Variants in ATP2B2 observed in about 807,000 individuals in gnomAD.
The protein encoded by ATP2B2 is plasma membrane calcium-transporting ATPase 2.
Under a neutral mutation model 120.0 loss-of-function variants are expected in ATP2B2, and 15 were observed. The observed-to-expected ratio is 0.12, with a 90% CI of 0.08 to 0.19. ATP2B2 has a LOEUF of 0.19. Among genes scored for constraint, ATP2B2 ranks in the 10% least tolerant of loss-of-function variants. ATP2B2 has a pLI of 1.00. For synonymous variants in ATP2B2, 694 were observed against 700.3 expected (o/e 0.99, Z 0.14); for missense variants, 1,045 against 1,719.8 (o/e 0.61, Z 6.94).
chr3:10,519,094 T>C (rs1368958074), intron 3 of ATP2B2, among the ~76,000 whole-genome samples: 1 of 152,232 alleles, frequency 6.6e-6, no homozygotes, highest in African/African-American at 2.4e-5. Flanking sequence ...GGTATCATCA[T>C]GCCAATTTTG....
intron 14 of ATP2B2, among the ~76,000 whole-genome samples, chr3:10,356,952 G>GGT (rs1039996068): frequency 6.7e-6 from 1 of 148,552 alleles, no homozygotes; most frequent in African/African-American, 2.6e-5. Flanking sequence ...CCCCAAGGAG[G>GGT]GTGTGTGTGT....
At chr3:10,610,658 C>T (rs2069209129) in intron 2 of ATP2B2, among the ~76,000 whole-genome samples, 1 of 152,212 alleles carries the variant, frequency 6.6e-6, no homozygotes, top group Non-Finnish European at 1.5e-5. Context: ...AAGTGAGCCT[C>T]CATCCTCCCA....
intron 2 of ATP2B2, among the ~76,000 whole-genome samples, chr3:10,588,485 T>C (rs2068567608): frequency 1.3e-5 from 2 of 152,242 alleles, no homozygotes; most frequent in South Asian, 4.1e-4. Flanking sequence ...ACAGCAGCAG[T>C]TCCACGGCCG....
intron 3 of ATP2B2, among the ~76,000 whole-genome samples, chr3:10,513,515 G>A (rs1293462647): frequency 6.6e-6 from 1 of 152,142 alleles, no homozygotes; most frequent in Non-Finnish European, 1.5e-5. Context: ...GAAGCCCTCG[G>A]TGAGGGCCCT....
At chr3:10,572,398 G>T (rs1225523340) in intron 2 of ATP2B2, among the ~76,000 whole-genome samples, 1 of 152,146 alleles carries the variant, frequency 6.6e-6, no homozygotes, top group Non-Finnish European at 1.5e-5. Context: ...GTTTCAGTTG[G>T]GGAAGATGAA....
intron 1 of ATP2B2, among the ~76,000 whole-genome samples, chr3:10,502,899 C>T (rs1352537695): frequency 6.6e-6 from 1 of 152,224 alleles, no homozygotes; most frequent in African/African-American, 2.4e-5. Flanking sequence ...TCTACCTCCC[C>T]TCTGCCACAT....
At chr3:10,422,805 T>C (rs1258478031) in intron 2 of ATP2B2, among the ~76,000 whole-genome samples, 5 of 152,366 alleles carry the variant, frequency 3.3e-5, no homozygotes, top group South Asian at 4.1e-4. Flanking sequence ...AGAGGCTGTG[T>C]TCCTGTAATT....
chr3:10,371,872 G>C lies in ATP2B2; in HGVS notation c.1596C>G (p.Thr532=). ...CATTGATCAGCAGCTCCATGGTCTT[G>C]GTGTTGATGGAGCTGGGGTCGGGGA... ...KEIPDPSSIN[T]KTMELLINAI... is the part of the protein sequence containing the mutation. The change falls in exon 12 of 23, where the codon ACC becomes ACG. Residue 532 remains threonine, a synonymous_variant. Transcript: ENST00000360273. 1 of 1,614,136 alleles carries C rather than the reference G, an allele frequency of 6.2e-7. No homozygotes were observed. Among genetic ancestry groups the C allele is most frequent in the Non-Finnish European group, 8.5e-7 (1 of 1,180,018 alleles).
intron 1 of ATP2B2, among the ~76,000 whole-genome samples, chr3:10,494,717 G>C (rs1156401694): frequency 6.6e-6 from 1 of 152,208 alleles, no homozygotes; most frequent in Non-Finnish European, 1.5e-5. Context: ...CTGAGAATCT[G>C]TGCAGTGTAA....
At chr3:10,331,960 G>C in intron 22 of ATP2B2, 1 of 1,546,602 alleles carries the variant, frequency 6.5e-7, no homozygotes, top group South Asian at 1.2e-5. Context: ...TTCATTTCAG[G>C]CTCAAGGTTA....
At chr3:10,516,930 G>A (rs1038609435) in intron 3 of ATP2B2, among the ~76,000 whole-genome samples, 2 of 152,052 alleles carry the variant, frequency 1.3e-5, no homozygotes, top group African/African-American at 4.8e-5. Context: ...CTACTTTGAA[G>A]GGCAATGCTT....
In ATP2B2 at chr3:10,340,479, G is replaced by T; in HGVS notation, c.3129+14C>A. Reference sequence around the variant, plus strand: ...TGCCCACCCCGGGCCTGGTTAGGGTGGGGGCCTCACTACCTGGATGGCAAA... The same window carrying T: ...TGCCCACCCCGGGCCTGGTTAGGGTTGGGGCCTCACTACCTGGATGGCAAA... On this transcript the variant is annotated intron_variant, in intron 20 of 22. Transcript: ENST00000360273. The surrounding 1 kb of genome is among the most constrained non-coding windows in gnomAD (Gnocchi z 5.0). The T allele has an allele frequency of 6.2e-7, 1 of 1,614,084 alleles. No homozygotes were observed. The highest frequency in any genetic ancestry group is 8.5e-7 in the Non-Finnish European group (1 of 1,179,942).
At chr3:10,366,635 C>T (rs551271914) in intron 12 of ATP2B2, among the ~76,000 whole-genome samples, 20 of 152,256 alleles carry the variant, frequency 1.3e-4, no homozygotes, top group South Asian at 4.2e-4. Flanking sequence ...AATGTAAGTC[C>T]GCTCGGGTGG....
chr3:10,582,885 CCAG>C (rs2068424141), intron 2 of ATP2B2, among the ~76,000 whole-genome samples: 1 of 152,232 alleles, frequency 6.6e-6, no homozygotes. Flanking sequence ...TCTGCATCTA[CCAG>C]CAGCATAGAT....
chr3:10,331,428 T>C (rs1448094635), intron 22 of ATP2B2, among the ~76,000 whole-genome samples: 1 of 152,152 alleles, frequency 6.6e-6, no homozygotes, highest in Non-Finnish European at 1.5e-5. Context: ...ACCTAGTGTA[T>C]GTGTGGGGCA....
intron 1 of ATP2B2, among the ~76,000 whole-genome samples, chr3:10,683,031 T>C: frequency 6.6e-6 from 1 of 152,144 alleles, no homozygotes; most frequent in East Asian, 1.9e-4. Flanking sequence ...ATGTGGATAC[T>C]AATAATAATC....
At chr3:10,475,641 T>C (rs1247763255) in intron 1 of ATP2B2, among the ~76,000 whole-genome samples, 1 of 152,236 alleles carries the variant, frequency 6.6e-6, no homozygotes, top group Non-Finnish European at 1.5e-5. Context: ...TAGGCTTTTA[T>C]AGGCCTAACC....
chr3:10,433,374 A>G (rs1182986654), intron 2 of ATP2B2, among the ~76,000 whole-genome samples: 1 of 152,130 alleles, frequency 6.6e-6, no homozygotes, highest in Non-Finnish European at 1.5e-5. Context: ...TGACAGCTCT[A>G]GGCTCTAACA....
chr3:10,348,445 C>T (rs1005527216), intron 16 of ATP2B2, among the ~76,000 whole-genome samples: 8 of 152,190 alleles, frequency 5.3e-5, no homozygotes, highest in Non-Finnish European at 8.8e-5. Flanking sequence ...CCTGGTGACA[C>T]GGTGCAGGCC....
Sources: allele counts gnomAD v4.1 joint callset (sites outside exome capture counted in the v4.1 genomes callset), GRCh38; gene constraint gnomAD v4.1.1; non-coding constraint Gnocchi (gnomAD v3.1); transcripts MANE v1.5; gene names NCBI Gene and HGNC (gene_info 2026-07-23, HGNC 2026-07-21).